The following LRRC37A3 variants were observed in gnomAD, a reference collection of about 807,000 sequenced individuals.
LRRC37A3 encodes leucine rich repeat containing 37 member A3.
In LRRC37A3, 25 loss-of-function variants were observed where a neutral mutation model predicts 106.2. The ratio of observed to expected loss-of-function variants is 0.24; its 90% confidence interval spans 0.17 to 0.33. The LOEUF is 0.33. LRRC37A3 is among the 10% of genes least tolerant of loss of function. The pLI is 1.00. For missense variants in LRRC37A3, 712 were observed against 1,644.9 expected (o/e 0.43, Z 9.81); for synonymous variants, 305 against 635.8 (o/e 0.48, Z 7.83).
At chr17:64,899,367 C>G (rs1386109975) in intron 2 of LRRC37A3, among the ~76,000 whole-genome samples, 3 of 146,838 alleles carry the variant, frequency 2.0e-5, no homozygotes, top group Admixed American at 2.0e-4. Flanking sequence ...TTGCAATGAG[C>G]TGGGATCATA....
chr17:64,862,916 T>C lies in LRRC37A3; in HGVS notation c.3156A>G (p.Thr1052=). Residue 1052 remains threonine (T), a synonymous_variant, in exon 11 of 15, where the codon ACA becomes ACG. Coordinates refer to ENST00000584306, the MANE Select transcript of LRRC37A3 (RefSeq NM_199340.5). ...VKLHCNSACL[T]NTTHCPEEAS... is the part of the protein sequence containing the mutation. ...TGGACTCACGACAATGTGTGGTGTT[T>C]GTCAGACATGCACTGTTGCAATGCA... 1 of 1,599,276 alleles carries C rather than the reference T, an allele frequency of 6.3e-7. No individual in the cohort carries two copies. The highest frequency in any genetic ancestry group is 8.5e-7 in the Non-Finnish European group (1 of 1,179,792).
intron 4 of LRRC37A3, among the ~76,000 whole-genome samples, chr17:64,893,870 T>C (rs1974041151): frequency 6.7e-6 from 1 of 148,468 alleles, no homozygotes; most frequent in Non-Finnish European, 1.5e-5. Context: ...GCCAGGATGG[T>C]CTTGATCTCC....
At chr17:64,872,210 CAAAAAAAAA>C (rs60703427) in intron 8 of LRRC37A3, among the ~76,000 whole-genome samples, 1 of 61,864 alleles carries the variant, frequency 1.6e-5, no homozygotes, top group Non-Finnish European at 3.5e-5. Flanking sequence ...AAAAAATAGC[CAAAAAAAAA>C]AAAAAAAAAA....
At position 64,919,448 on chromosome 17, in the gene LRRC37A3, C is replaced by T. The variant is rs193219864; in HGVS notation, c.-634G>A. 3,768 of 481,174 alleles carry T rather than the reference C, an allele frequency of 7.8e-3. 1 individual carries two copies. The highest frequency in any genetic ancestry group is 0.01 in the Non-Finnish European group (2,749 of 270,816). The allele number at this position is 481,174 out of a possible 1,614,324, so 29.8% of individuals were successfully genotyped here. A position where few individuals can be genotyped will look rare whatever the true frequency, so the allele number is the denominator to read the frequency against. ...GGCCTCACTGCGGATCGCCTTCAGC[C>T]GCCATCTTGTTTCTTCCGTTACCGG... On this transcript the variant is annotated 5_prime_UTR_variant, in exon 1 of 15. Coordinates refer to ENST00000584306, the MANE Select transcript of LRRC37A3 (RefSeq NM_199340.5).
rs377565966 is a variant in LRRC37A3, at chr17:64,860,747, A to G, written c.3399T>C (p.Asp1133=). The G allele has an allele frequency of 6.8e-6, 11 of 1,613,954 alleles. No homozygotes were observed. The highest frequency in any genetic ancestry group is 8.5e-6 in the Non-Finnish European group (10 of 1,179,966). ...ILPYFSAVNL[D]VKSLLLPFIK... ...TGAACGGTAGTAACAGTGATTTCACATCTAGGTTAACGGCTGAGAAATAAG... is the reference window on the plus strand; with the variant it reads ...TGAACGGTAGTAACAGTGATTTCACGTCTAGGTTAACGGCTGAGAAATAAG... Residue 1133 remains aspartate (D), a synonymous_variant, in exon 12 of 15, where the codon GAT becomes GAC. Transcript: ENST00000584306.
intron 8 of LRRC37A3, among the ~76,000 whole-genome samples, chr17:64,876,202 C>G (rs1243634355): frequency 1.3e-5 from 2 of 152,150 alleles, no homozygotes; most frequent in African/African-American, 4.8e-5. Flanking sequence ...GTTCATTTTT[C>G]AAGACAGGTT....
At chr17:64,909,102 G>C (rs1013125238) in intron 2 of LRRC37A3, among the ~76,000 whole-genome samples, 1 of 152,120 alleles carries the variant, frequency 6.6e-6, no homozygotes, top group African/African-American at 2.4e-5. Context: ...ACAATTCCCA[G>C]GTTGTGCTGT....
intron 11 of LRRC37A3, 133 bp downstream of exon 11, chr17:64,862,767 A>G (rs1405270853): frequency 1.7e-6 from 2 of 1,194,380 alleles, no homozygotes; most frequent in Non-Finnish European, 2.4e-6. Flanking sequence ...AAATTGAGGG[A>G]GTTTAACTCT....
chr17:64,872,646 G>A (rs990155956), intron 8 of LRRC37A3, among the ~76,000 whole-genome samples: 13 of 152,120 alleles, frequency 8.5e-5, no homozygotes, highest in African/African-American at 2.9e-4. Context: ...CAGTTTGGGG[G>A]AAAAAAGCCT....
chr17:64,861,662 T>G (rs1345138034), intron 11 of LRRC37A3, among the ~76,000 whole-genome samples: 3 of 152,228 alleles, frequency 2.0e-5, no homozygotes, highest in Non-Finnish European at 4.4e-5. Flanking sequence ...TTTGCCAGAT[T>G]GTATGCCTAT....
chr17:64,860,438 C>G lies in LRRC37A3; in HGVS notation c.3708G>C (p.Ser1236=), dbSNP rs527556036. The change falls in exon 12 of 15, where the codon TCG becomes TCC. Residue 1236 remains serine, a synonymous_variant. Transcript: ENST00000584306. ...LAGNAVYTKP[S]FTQEHKAAVS... is the part of the protein sequence containing the mutation. ...CTGCTGCCTTATGCTCTTGGGTGAACGAAGGCTTGGTGTAGACGGCGTTTC... is the reference window on the plus strand; with the variant it reads ...CTGCTGCCTTATGCTCTTGGGTGAAGGAAGGCTTGGTGTAGACGGCGTTTC... The G allele has an allele frequency of 6.2e-7, 1 of 1,613,782 alleles. No individual in the cohort carries two copies. The highest frequency in any genetic ancestry group is 1.1e-5 in the South Asian group (1 of 91,066).
intron 12 of LRRC37A3, 52 bp downstream of exon 12, chr17:64,859,390 G>A (rs1311848040): frequency 9.7e-5 from 125 of 1,294,582 alleles, no homozygotes; most frequent in Admixed American, 3.0e-4. Context: ...ACTTTCCTGG[G>A]ATATGCTAAA....
At chr17:64,899,425 A>G (rs1383117738) in intron 2 of LRRC37A3, among the ~76,000 whole-genome samples, 5 of 142,956 alleles carry the variant, frequency 3.5e-5, no homozygotes, top group Non-Finnish European at 6.0e-5. Context: ...ATCTCAAAAA[A>G]AAAAAAAAAA....
rs369794520 is a variant in LRRC37A3, at chr17:64,877,973, ACCC to A, written c.2906+8110_2906+8112del. ...TCTATGTGCAAAATAATGAAGGTGG[ACCC>A]CCTACATCTCACACGATTATAAGAA... On this transcript the variant is annotated intron_variant, in intron 8 of 14. Coordinates refer to ENST00000584306, the MANE Select transcript of LRRC37A3 (RefSeq NM_199340.5). Among the ~76,000 whole-genome samples the A allele has an allele frequency of 6.9e-4, 105 of 152,196 alleles. 1 individual carries two copies. In the East Asian group the frequency reaches 7.7e-3, roughly 11 times the overall value.
chr17:64,862,152 G>A (rs978566762), intron 11 of LRRC37A3, among the ~76,000 whole-genome samples: 3 of 151,424 alleles, frequency 2.0e-5, no homozygotes, highest in Non-Finnish European at 4.4e-5. Context: ...CTGACTTTAT[G>A]TAACCAAGCA....
intron 8 of LRRC37A3, among the ~76,000 whole-genome samples, chr17:64,874,262 C>T (rs551720959): frequency 7.7e-4 from 118 of 152,354 alleles, no homozygotes; most frequent in Non-Finnish European, 1.5e-3. Context: ...CTGGGCATGC[C>T]CGTCTGGGAT....
In LRRC37A3 at chr17:64,854,271, A is replaced by T. The variant is rs1478274407; in HGVS notation, c.*328T>A. ...CCCCACAGTGCAGGTAGGCCCAGTG[A>T]TCCTATGATAGGGGCCAGGAGATGG... On this transcript the variant is annotated 3_prime_UTR_variant, in exon 15 of 15. Transcript: ENST00000584306. 2 of 485,610 alleles carry T rather than the reference A, an allele frequency of 4.1e-6. No individual in the cohort carries two copies. Among genetic ancestry groups the T allele is most frequent in the Non-Finnish European group, 7.4e-6 (2 of 270,158 alleles). 30.1% of individuals were successfully genotyped at this position (485,610 alleles called of 1,614,324 possible). A position where few individuals can be genotyped will look rare whatever the true frequency, so the allele number is the denominator to read the frequency against.
chr17:64,917,245 CAAAAAA>C (rs1283286984), intron 2 of LRRC37A3, among the ~76,000 whole-genome samples: 2 of 28,400 alleles, frequency 7.0e-5, no homozygotes, highest in African/African-American at 1.5e-4. Flanking sequence ...GACTCCATCT[CAAAAAA>C]AAAAAAAAAA....
Position 64,862,988 on chromosome 17 carries a change from G to A in LRRC37A3, c.3084C>T (p.Leu1028=). 1.3e-6 allele frequency: 2 copies of A among 1,598,138 alleles called. No homozygotes were observed. Among genetic ancestry groups the A allele is most frequent in the Non-Finnish European group, 1.7e-6 (2 of 1,179,772 alleles). The change falls in exon 11 of 15, where the codon CTC becomes CTT. Residue 1028 remains leucine (L), a synonymous_variant. Coordinates refer to ENST00000584306, the MANE Select transcript of LRRC37A3 (RefSeq NM_199340.5). ...CCTCAATGCTGTTTTTAAATTGGCA[G>A]AGGCAGCAGGCCATATGGCTAGGTA... ...LIVPSHMACC[L]CQFKNSIEAV... is the part of the protein sequence containing the mutation.
Sources: gnomAD v4.1 joint callset for allele counts (sites outside exome capture counted in the v4.1 genomes callset) on GRCh38, gnomAD v4.1.1 for gene constraint, MANE v1.5 for transcripts, NCBI Gene and HGNC (gene_info 2026-07-23, HGNC 2026-07-21) for gene names.